The following TENT5C variants were observed in gnomAD, a reference collection of about 807,000 sequenced individuals.
TENT5C encodes family with sequence similarity 46 member C.
Under a neutral mutation model 22.2 loss-of-function variants are expected in TENT5C, and 5 were observed. The ratio of observed to expected loss-of-function variants is 0.22; its 90% CI spans 0.12 to 0.47. The LOEUF is 0.47. Among genes scored for constraint, TENT5C ranks in the 20% least tolerant of loss-of-function variants. The pLI is 0.99. For missense variants in TENT5C, 364 were observed against 500.9 expected (o/e 0.73, Z 2.61); for synonymous variants, 199 against 195.4 (o/e 1.02, Z -0.15).
rs1038756387 is a variant in TENT5C, at chr1:117,627,511, GA to G, written c.*3468del. The G allele has an allele frequency of 4.0e-6, 1 of 247,942 alleles. No homozygotes were observed. The highest frequency in any genetic ancestry group is 8.5e-6 in the Non-Finnish European group (1 of 118,114). 15.4% of individuals were successfully genotyped at this position (247,942 alleles called of 1,614,324 possible). The stretch of plus-strand genomic sequence containing the variant: ...TTCTTAGCTCAAATGTCCTCTTTTT[GA>G]GAGCAAAGTAGTTATCCAATGGTGA... On this transcript the variant is annotated 3_prime_UTR_variant, in exon 2 of 2. Coordinates refer to ENST00000369448, the MANE Select transcript of TENT5C (RefSeq NM_017709.4).
chr1:117,611,617 G>A (rs1274183105), intron 1 of TENT5C, among the ~76,000 whole-genome samples: 2 of 152,066 alleles, frequency 1.3e-5, no homozygotes, highest in African/African-American at 4.8e-5. Flanking sequence ...GAGGCAGGAG[G>A]ATCCCTTGAG....
At chr1:117,612,621 C>T (rs1370423746) in intron 1 of TENT5C, among the ~76,000 whole-genome samples, 1 of 152,208 alleles carries the variant, frequency 6.6e-6, no homozygotes, top group Non-Finnish European at 1.5e-5. Flanking sequence ...GGCCCGGAAC[C>T]TGCAACTTGA....
intron 1 of TENT5C, among the ~76,000 whole-genome samples, chr1:117,610,187 A>G (rs903058345): frequency 2.0e-5 from 3 of 152,098 alleles, no homozygotes; most frequent in Admixed American, 2.0e-4. Flanking sequence ...TGAGGGCAGT[A>G]AGTGAGTCCG....
At position 117,623,902 on chromosome 1, in the gene TENT5C, ACAT is replaced by A; in HGVS notation, c.1039_1041del (p.Ile347del). Reference sequence around the variant, plus strand: ...GCCTTGCGTGTGCTGGCGGAACAAAACATCATCCCCAGTGCCACCAACGTCACC... The same window carrying A: ...GCCTTGCGTGTGCTGGCGGAACAAAACATCCCCAGTGCCACCAACGTCACC... On this transcript the variant is annotated inframe_deletion, in exon 2 of 2. Transcript: ENST00000369448. 1.2e-6 allele frequency: 2 copies of A among 1,614,064 alleles called. No homozygotes were observed. The highest frequency in any genetic ancestry group is 1.1e-5 in the South Asian group (1 of 91,056).
At chr1:117,609,577 C>G (rs1400815330) in intron 1 of TENT5C, among the ~76,000 whole-genome samples, 3 of 152,198 alleles carry the variant, frequency 2.0e-5, no homozygotes, top group Non-Finnish European at 4.4e-5. Context: ...TAGCTAGTGC[C>G]AGGTGCTGAG....
chr1:117,614,454 A>G (rs941162085), intron 1 of TENT5C, among the ~76,000 whole-genome samples: 1 of 152,180 alleles, frequency 6.6e-6, no homozygotes, highest in Non-Finnish European at 1.5e-5. Context: ...GTCCAGTCTC[A>G]GGTTCAGCAT....
chr1:117,627,099 C>T lies in TENT5C; in HGVS notation c.*3055C>T, dbSNP rs529611424. Reference sequence around the variant, plus strand: ...TGATGGGGATGCCTGTGGGATGGCCCACACCTGGGGGACCTGGCAGATGGG... The same window carrying T: ...TGATGGGGATGCCTGTGGGATGGCCTACACCTGGGGGACCTGGCAGATGGG... On this transcript the variant is annotated 3_prime_UTR_variant, in exon 2 of 2. Transcript: ENST00000369448. 493 of 248,178 alleles carry T rather than the reference C, an allele frequency of 2.0e-3. 2 individuals are homozygous for T. The highest frequency in any genetic ancestry group is 7.7e-3 in the African/African-American group (349 of 45,462). The allele number at this position is 248,178 out of a possible 1,614,324, so 15.4% of individuals were successfully genotyped here. A position where few individuals can be genotyped will look rare whatever the true frequency, so the allele number is the denominator to read the frequency against.
In TENT5C at chr1:117,616,375, A is replaced by T. The variant is rs115227388; in HGVS notation, c.-27-6467A>T. Among the ~76,000 whole-genome samples, 801 of 152,296 alleles carry T rather than the reference A, an allele frequency of 5.3e-3. 5 individuals carry two copies. Among genetic ancestry groups the T allele is most frequent in the African/African-American group, 0.019 (777 of 41,564 alleles). ...TTGTTAAGGGAAGAAGTGGGATAGGATAGTATGAAGTGTATTGCCACCACT... is the reference window on the plus strand; with the variant it reads ...TTGTTAAGGGAAGAAGTGGGATAGGTTAGTATGAAGTGTATTGCCACCACT... On this transcript the variant is annotated intron_variant, in intron 1 of 1. Transcript: ENST00000369448.
rs1173277102 is a variant in TENT5C, at chr1:117,622,971, A to G, written c.103A>G (p.Ile35Val). ...TGAGGTCCTCACTGAAGTTGTACCTATCCACGGACGAGGCAACTTTCCAAC... is the reference window on the plus strand; with the variant it reads ...TGAGGTCCTCACTGAAGTTGTACCTGTCCACGGACGAGGCAACTTTCCAAC... ...LHEVLTEVVPIHGRGNFPTLE... is the reference protein window; with the variant it reads ...LHEVLTEVVPVHGRGNFPTLE... The change falls in exon 2 of 2, where the codon ATC (isoleucine) becomes GTC (valine). Residue 35 changes from isoleucine (I) to valine (V), a missense_variant. Transcript: ENST00000369448. The G allele has an allele frequency of 6.2e-7, 1 of 1,614,200 alleles. No individual in the cohort carries two copies.
Position 117,627,807 on chromosome 1 carries a change from G to T in TENT5C, c.*3763G>T, listed in dbSNP as rs185179551. 141 of 247,930 alleles carry T rather than the reference G, an allele frequency of 5.7e-4. No individual in the cohort carries two copies. Among genetic ancestry groups the T allele is most frequent in the African/African-American group, 2.8e-3 (127 of 45,368 alleles). 15.4% of individuals were successfully genotyped at this position (247,930 alleles called of 1,614,324 possible). On this transcript the variant is annotated 3_prime_UTR_variant, in exon 2 of 2. Coordinates refer to ENST00000369448, the MANE Select transcript of TENT5C (RefSeq NM_017709.4). ...ATCTGGCAACTTTTCAGGATTATTT[G>T]TGGAGAACTCTAAGGTTAAGATCAG...
intron 1 of TENT5C, among the ~76,000 whole-genome samples, chr1:117,618,454 G>C (rs1383135027): frequency 1.3e-5 from 2 of 150,290 alleles, no homozygotes; most frequent in Non-Finnish European, 3.0e-5. Context: ...TGATAGAAAG[G>C]CATTCTAAAG....
chr1:117,613,803 C>A (rs1327471107), intron 1 of TENT5C, among the ~76,000 whole-genome samples: 1 of 152,176 alleles, frequency 6.6e-6, no homozygotes. Flanking sequence ...TGAGAAAAGA[C>A]CAACTGTGGG....
chr1:117,614,552 C>T (rs557729312), intron 1 of TENT5C, among the ~76,000 whole-genome samples: 1 of 152,294 alleles, frequency 6.6e-6, no homozygotes, highest in East Asian at 1.9e-4. Context: ...GTCCTGGTCA[C>T]TGCCTGCAAA....
chr1:117,611,115 T>C (rs1653663005), intron 1 of TENT5C, among the ~76,000 whole-genome samples: 1 of 152,210 alleles, frequency 6.6e-6, no homozygotes, highest in African/African-American at 2.4e-5. Context: ...CCTCTGCTCG[T>C]CGTAGTTAGA....
intron 1 of TENT5C, among the ~76,000 whole-genome samples, chr1:117,614,483 G>A (rs1451833585): frequency 6.6e-6 from 1 of 152,180 alleles, no homozygotes; most frequent in Non-Finnish European, 1.5e-5. Flanking sequence ...TCCTGTGTAC[G>A]TTCCAGACTT....
intron 1 of TENT5C, among the ~76,000 whole-genome samples, chr1:117,615,856 T>C (rs370492236): frequency 5.3e-5 from 8 of 152,342 alleles, no homozygotes; most frequent in East Asian, 3.9e-4. Context: ...AGCTTTTTGC[T>C]ATCTTTGGTG....
chr1:117,613,174 A>G (rs185729663), intron 1 of TENT5C, among the ~76,000 whole-genome samples: 81 of 152,166 alleles, frequency 5.3e-4, no homozygotes, highest in Non-Finnish European at 1.1e-3. Context: ...GTGGTTACCA[A>G]GTAGCAACAA....
chr1:117,608,090 A>AC (rs1181315266), intron 1 of TENT5C, among the ~76,000 whole-genome samples: 23 of 150,708 alleles, frequency 1.5e-4, no homozygotes, highest in African/African-American at 4.6e-4. Context: ...AAAAAAAAAA[A>AC]AAAACTCTGC....
chr1:117,616,294 C>A (rs1329972159), intron 1 of TENT5C, among the ~76,000 whole-genome samples: 1 of 152,160 alleles, frequency 6.6e-6, no homozygotes, highest in African/African-American at 2.4e-5. Context: ...ACCTCTACAC[C>A]CTTCATTTCA....
Sources: allele counts gnomAD v4.1 joint callset (sites outside exome capture counted in the v4.1 genomes callset), GRCh38; gene constraint gnomAD v4.1.1; transcripts MANE v1.5; gene names NCBI Gene and HGNC (gene_info 2026-07-23, HGNC 2026-07-21).